Variants in NFYA observed in about 807,000 individuals in gnomAD.
NFYA encodes the protein CAAT-box DNA binding protein subunit A.
A neutral mutation model predicts 52.8 loss-of-function variants in NFYA; 28 were observed. The ratio of observed to expected loss-of-function variants is 0.53; its 90% CI spans 0.39 to 0.73. The LOEUF is 0.73. Among genes scored for constraint, NFYA ranks in the 30% least tolerant of loss-of-function variants. The pLI is 0.00. For synonymous variants in NFYA, 150 were observed against 150.7 expected, an observed-to-expected ratio of 1.00 and a Z score of 0.03; for missense variants, 234 against 427.0, an observed-to-expected ratio of 0.55 and a Z score of 3.98.
Position 41,097,503 on chromosome 6 carries a change from T to C in NFYA, c.*93T>C. ...TCCAATGGGACATTGATGATCACATTCTGCCCTTTACTACAGGACAGAAAC... is the reference window on the plus strand; with the variant it reads ...TCCAATGGGACATTGATGATCACATCCTGCCCTTTACTACAGGACAGAAAC... On this transcript the variant is annotated 3_prime_UTR_variant, in exon 10 of 10. Coordinates refer to ENST00000341376, the MANE Select transcript of NFYA (RefSeq NM_002505.5). 1.5e-6 allele frequency: 2 copies of C among 1,366,242 alleles called. No individual in the cohort carries two copies. Among genetic ancestry groups the C allele is most frequent in the Middle Eastern group, 1.8e-4 (1 of 5,520 alleles). 84.6% of individuals were successfully genotyped at this position (1,366,242 alleles called of 1,614,324 possible).
In NFYA at chr6:41,084,126, T is replaced by G; in HGVS notation, c.243T>G (p.Ala81=). Residue 81 remains alanine, a synonymous_variant, in exon 4 of 10, where the codon GCT becomes GCG. Transcript: ENST00000341376. ...TSTGQPIMVQ[A]VPGGQGQTIM... ...CTGGCCAACCCATCATGGTCCAGGC[T>G]GTCCCTGGTGGACAAGGTCAAACCA... The G allele has an allele frequency of 6.2e-7, 1 of 1,614,204 alleles. No individual in the cohort carries two copies. The highest frequency in any genetic ancestry group is 8.5e-7 in the Non-Finnish European group (1 of 1,180,008).
chr6:41,080,435 T>C (rs898389325), intron 2 of NFYA, among the ~76,000 whole-genome samples: 1 of 152,228 alleles, frequency 6.6e-6, no homozygotes, highest in Non-Finnish European at 1.5e-5. Context: ...TTTATGGTAG[T>C]TTCAGGGCTA....
intron 6 of NFYA, among the ~76,000 whole-genome samples, 181 bp from the exon 7 acceptor site, chr6:41,091,347 G>A (rs1259829556): frequency 2.0e-5 from 3 of 152,176 alleles, no homozygotes; most frequent in African/African-American, 7.2e-5. Flanking sequence ...CAAAGATTGT[G>A]ATTACTTAGA....
At chr6:41,088,901 T>C (rs1764119911) in intron 4 of NFYA, among the ~76,000 whole-genome samples, 1 of 152,132 alleles carries the variant, frequency 6.6e-6, no homozygotes. Context: ...TTAATATATA[T>C]AGTATTTCCT....
At chr6:41,090,123 A>ATTTT in intron 5 of NFYA, 81 bp from the exon 6 acceptor site, 1 of 814,640 alleles carries the variant, frequency 1.2e-6, no homozygotes, top group Non-Finnish European at 1.9e-6. Context: ...CAAAAAAATA[A>ATTTT]TTTTTTTTTT....
chr6:41,076,677 C>T (rs560594561), intron 1 of NFYA, among the ~76,000 whole-genome samples: 1 of 152,204 alleles, frequency 6.6e-6, no homozygotes, highest in Non-Finnish European at 1.5e-5. Context: ...ATTTGTTTCT[C>T]TCTCTTTGAG....
chr6:41,075,912 G>A (rs1453202665), intron 1 of NFYA, among the ~76,000 whole-genome samples: 1 of 152,124 alleles, frequency 6.6e-6, no homozygotes, highest in East Asian at 1.9e-4. Context: ...AAAACCTTCA[G>A]AACAGTGTCT....
chr6:41,094,958 A>T (rs920050683), intron 9 of NFYA, among the ~76,000 whole-genome samples: 1 of 152,180 alleles, frequency 6.6e-6, no homozygotes, highest in Admixed American at 6.5e-5. Flanking sequence ...CCCCATCACA[A>T]ATATAATTTG....
At position 41,079,046 on chromosome 6, in the gene NFYA, T is replaced by C. The variant is rs1176022987; in HGVS notation, c.-44T>C. 1 of 1,593,980 alleles carries C rather than the reference T, an allele frequency of 6.3e-7. No homozygotes were observed. Among genetic ancestry groups the C allele is most frequent in the Non-Finnish European group, 8.6e-7 (1 of 1,162,590 alleles). ...TCTAACAGGAGTGTACCTCACAGCC[T>C]TCTAGGATCTCCAGAGTGGACAGGA... On this transcript the variant is annotated 5_prime_UTR_variant, in exon 2 of 10. Transcript: ENST00000341376.
At chr6:41,087,544 A>C (rs1370466882) in intron 4 of NFYA, among the ~76,000 whole-genome samples, 1 of 152,232 alleles carries the variant, frequency 6.6e-6, no homozygotes, top group Non-Finnish European at 1.5e-5. Flanking sequence ...ATGTTGAAGC[A>C]ATGCTCAAAT....
chr6:41,077,573 G>C (rs1229468547), intron 1 of NFYA, among the ~76,000 whole-genome samples: 3 of 152,124 alleles, frequency 2.0e-5, no homozygotes, highest in Non-Finnish European at 4.4e-5. Flanking sequence ...ATAGAATTTA[G>C]GGAAGCCTGT....
Position 41,100,271 on chromosome 6 carries a change from G to A in NFYA, c.*2861G>A, listed in dbSNP as rs922420119. Among the ~76,000 whole-genome samples the A allele has an allele frequency of 3.3e-5, 5 of 152,160 alleles. No homozygotes were observed. Among genetic ancestry groups the A allele is most frequent in the South Asian group, 2.1e-4 (1 of 4,826 alleles). ...AGTAATTCCATGAGGAAAATTAGCC[G>A]TTATCACAAAAACAGCCTTAAGTAT... is the stretch of plus-strand genomic sequence containing the variant. On this transcript the variant is annotated 3_prime_UTR_variant, in exon 10 of 10. Coordinates refer to ENST00000341376, the MANE Select transcript of NFYA (RefSeq NM_002505.5).
At position 41,097,518 on chromosome 6, in the gene NFYA, A is replaced by G; in HGVS notation, c.*108A>G. ...ATGATCACATTCTGCCCTTTACTAC[A>G]GGACAGAAACCACTTAGTTTTTAAT... is the stretch of plus-strand genomic sequence containing the variant. On this transcript the variant is annotated 3_prime_UTR_variant, in exon 10 of 10. Coordinates refer to ENST00000341376, the MANE Select transcript of NFYA (RefSeq NM_002505.5). 1.7e-6 allele frequency: 2 copies of G among 1,189,000 alleles called. No homozygotes were observed. Among genetic ancestry groups the G allele is most frequent in the Admixed American group, 2.1e-5 (1 of 48,006 alleles). The allele number at this position is 1,189,000 out of a possible 1,614,324, so 73.7% of individuals were successfully genotyped here.
In NFYA at chr6:41,091,619, C is replaced by T. The variant is rs570304878; in HGVS notation, c.639C>T (p.Thr213=). ...AAACAGGAGCCAATACCAACACAAC[C>T]AGCAGTGGGCAAGGGACTGTCACTG... The part of the protein sequence containing the change: ...IVQTGANTNT[T]SSGQGTVTVT... Residue 213 remains threonine, a synonymous_variant, in exon 7 of 10, where the codon ACC becomes ACT. Coordinates refer to ENST00000341376, the MANE Select transcript of NFYA (RefSeq NM_002505.5). 25 of 1,614,198 alleles carry T rather than the reference C, an allele frequency of 1.5e-5. No individual in the cohort carries two copies. The South Asian group carries it at 2.7e-4, about 18-fold the overall frequency.
chr6:41,092,824 C>CA (rs1010291572), intron 7 of NFYA, 88 bp from the exon 8 acceptor site: 62 of 1,415,146 alleles, frequency 4.4e-5, no homozygotes, highest in Non-Finnish European at 5.3e-5. Context: ...GTGGCATTTA[C>CA]AAAAAAAATG....
intron 9 of NFYA, among the ~76,000 whole-genome samples, chr6:41,094,902 T>TAA (rs1764306087): frequency 6.6e-6 from 1 of 152,248 alleles, no homozygotes; most frequent in Non-Finnish European, 1.5e-5. Flanking sequence ...ACACTTTTCT[T>TAA]AATTTTCAAG....
At chr6:41,079,234 C>T (rs990652445) in intron 2 of NFYA, 70 bp downstream of exon 2, 1 of 1,425,072 alleles carries the variant, frequency 7.0e-7, no homozygotes, top group Non-Finnish European at 9.9e-7. Context: ...ATTGGTTGGT[C>T]TATTGCCCTG....
chr6:41,087,212 T>C (rs1764073046), intron 4 of NFYA, among the ~76,000 whole-genome samples: 1 of 152,250 alleles, frequency 6.6e-6, no homozygotes, highest in East Asian at 1.9e-4. Context: ...TGTTTACTTA[T>C]TTATTTGCCA....
At chr6:41,096,244 C>T (rs187673002) in intron 9 of NFYA, among the ~76,000 whole-genome samples, 53 of 152,318 alleles carry the variant, frequency 3.5e-4, no homozygotes, top group Admixed American at 3.5e-3. Context: ...CTCAGTGTCC[C>T]CACACATGAA....
Sources: allele counts gnomAD v4.1 joint callset (sites outside exome capture counted in the v4.1 genomes callset), GRCh38; gene constraint gnomAD v4.1.1; transcripts MANE v1.5; gene names NCBI Gene and HGNC (gene_info 2026-07-23, HGNC 2026-07-21).